RANBP2: variants seen among roughly 807,000 people sequenced by gnomAD.
RANBP2 encodes the protein RAN binding protein 2.
In RANBP2, 57 loss-of-function variants were observed where a neutral mutation model predicts 303.6. The observed-to-expected ratio is 0.19, with a 90% CI of 0.15 to 0.23. The LOEUF (loss-of-function observed/expected upper bound fraction) is 0.23. Ranked by LOEUF, RANBP2 falls within the 10% of genes least tolerant of loss-of-function variation. The pLI, the probability that RANBP2 is intolerant of heterozygous loss-of-function variation, is 1.00. For missense variants in RANBP2, 3,138 were observed against 3,780.8 expected, an observed-to-expected ratio of 0.83 and a Z score of 4.46; for synonymous variants, 1,167 against 1,301.5, an observed-to-expected ratio of 0.90 and a Z score of 2.23.
At chr2:109,058,531 C>A in the RANBP2 span, among the ~76,000 whole-genome samples, 3 of 152,310 alleles carry the variant, frequency 2.0e-5, no homozygotes, top group South Asian at 6.2e-4. Flanking sequence ...GGGATTTGCA[C>A]AAATGTGGCG....
the RANBP2 span, among the ~76,000 whole-genome samples, chr2:109,584,202 C>T: frequency 1.3e-5 from 2 of 151,954 alleles, no homozygotes; most frequent in African/African-American, 4.8e-5. Flanking sequence ...TAAGACTGGG[C>T]GCAGTTGCTC....
chr2:109,261,777 A>G, the RANBP2 span, among the ~76,000 whole-genome samples: 1 of 152,172 alleles, frequency 6.6e-6, no homozygotes, highest in Non-Finnish European at 1.5e-5. Context: ...ATGGATTTAT[A>G]CAGTGTTTGG....
intron 23 of RANBP2, among the ~76,000 whole-genome samples, chr2:108,774,185 A>G (rs1677710682): frequency 1.3e-5 from 2 of 152,220 alleles, no homozygotes; most frequent in Non-Finnish European, 2.9e-5. Flanking sequence ...TCACTTGGTC[A>G]TGGTACAATT....
the RANBP2 span, among the ~76,000 whole-genome samples, chr2:109,299,207 C>G: frequency 1.3e-5 from 2 of 152,264 alleles, no homozygotes; most frequent in South Asian, 2.1e-4. Flanking sequence ...AACTGCGACC[C>G]TGCCTCCCCA....
the RANBP2 span, among the ~76,000 whole-genome samples, chr2:109,418,733 G>T: frequency 6.6e-6 from 1 of 152,168 alleles, no homozygotes; most frequent in Admixed American, 6.5e-5. Flanking sequence ...TCTTTGAGAG[G>T]TACACAGGTC....
chr2:109,352,627 C>G, the RANBP2 span, among the ~76,000 whole-genome samples: 1 of 152,210 alleles, frequency 6.6e-6, no homozygotes, highest in South Asian at 2.1e-4. Flanking sequence ...TCCTGGGCAC[C>G]CCGCTTGGGC....
the RANBP2 span, among the ~76,000 whole-genome samples, chr2:109,588,580 GC>G: frequency 6.6e-6 from 1 of 151,800 alleles, no homozygotes. Context: ...TGCAACCTCC[GC>G]CCCCCAGGTT....
At chr2:109,581,183 T>C in the RANBP2 span, among the ~76,000 whole-genome samples, 2 of 152,214 alleles carry the variant, frequency 1.3e-5, no homozygotes, top group African/African-American at 4.8e-5. Context: ...CTCACGCCTG[T>C]AATCCCAGCA....
the RANBP2 span, among the ~76,000 whole-genome samples, chr2:109,464,543 C>T: frequency 6.6e-6 from 1 of 152,220 alleles, no homozygotes; most frequent in African/African-American, 2.4e-5. Context: ...CATACACATC[C>T]TGCAGAGTTG....
chr2:109,400,668 G>A, the RANBP2 span, among the ~76,000 whole-genome samples: 28 of 141,602 alleles, frequency 2.0e-4, no homozygotes, highest in South Asian at 3.7e-3. Flanking sequence ...TTATACATGC[G>A]CACACACACA....
At chr2:108,732,955 C>T (rs1161550651) in intron 4 of RANBP2, among the ~76,000 whole-genome samples, 4 of 152,192 alleles carry the variant, frequency 2.6e-5, no homozygotes, top group African/African-American at 7.2e-5. Flanking sequence ...TTCCGGGTAG[C>T]TGGGACTACA....
At chr2:109,349,138 C>G in the RANBP2 span, among the ~76,000 whole-genome samples, 3 of 145,220 alleles carry the variant, frequency 2.1e-5, no homozygotes, top group East Asian at 2.1e-4. Context: ...GGCCATTGCT[C>G]TCTCCCCCAT....
the RANBP2 span, among the ~76,000 whole-genome samples, chr2:109,488,085 C>T: frequency 3.9e-5 from 6 of 152,288 alleles, no homozygotes; most frequent in East Asian, 1.2e-3. Flanking sequence ...AGGGGAGGAG[C>T]GGCCAGCAGC....
the RANBP2 span, among the ~76,000 whole-genome samples, chr2:109,244,491 T>C: frequency 8.5e-5 from 13 of 152,158 alleles, 1 homozygote; most frequent in South Asian, 6.2e-4. Flanking sequence ...CCCAAACAAA[T>C]GCCAAATGTG....
the RANBP2 span, among the ~76,000 whole-genome samples, chr2:108,827,065 A>G: frequency 6.6e-6 from 1 of 152,294 alleles, no homozygotes; most frequent in East Asian, 1.9e-4. Context: ...ATATGGTTAC[A>G]CAATTAAAGG....
At chr2:108,980,821 C>G in the RANBP2 span, among the ~76,000 whole-genome samples, 1 of 152,170 alleles carries the variant, frequency 6.6e-6, no homozygotes, top group African/African-American at 2.4e-5. Context: ...GGTGGCCAAC[C>G]TGGCACCATA....
chr2:109,615,766 A>G, the RANBP2 span: 10 of 1,613,952 alleles, frequency 6.2e-6, no homozygotes, highest in South Asian at 6.6e-5. Flanking sequence ...CTCATCACCT[A>G]CAAACTCTCA....
the RANBP2 span, among the ~76,000 whole-genome samples, chr2:109,515,240 A>G: frequency 6.6e-6 from 1 of 152,104 alleles, no homozygotes; most frequent in Non-Finnish European, 1.5e-5. Context: ...CATGATGGCG[A>G]GCTTGGCACA....
At chr2:109,037,799 TAAAA>T in the RANBP2 span, among the ~76,000 whole-genome samples, 1 of 152,102 alleles carries the variant, frequency 6.6e-6, no homozygotes, top group Admixed American at 6.5e-5. Context: ...TTGAAAGAAA[TAAAA>T]GAGGATTTAG....
Sources: gnomAD v4.1 joint callset for allele counts (sites outside exome capture counted in the v4.1 genomes callset) on GRCh38, gnomAD v4.1.1 for gene constraint, MANE v1.5 for transcripts, NCBI Gene and HGNC (gene_info 2026-07-23, HGNC 2026-07-21) for gene names.